The following CNPPD1 variants were observed in gnomAD, a reference collection of about 807,000 sequenced individuals.
CNPPD1 encodes the protein protein CNPPD1.
In CNPPD1, 40 loss-of-function variants were observed where a neutral mutation model predicts 43.7. That is an observed-to-expected ratio of 0.92 (90% CI 0.71 to 1.19). The LOEUF is 1.19. Among genes scored for constraint, CNPPD1 ranks in the 50% most tolerant of loss-of-function variants. The pLI, the probability that CNPPD1 is intolerant of heterozygous loss-of-function variation, is 0.00. For missense variants in CNPPD1, 511 were observed against 518.5 expected, an observed-to-expected ratio of 0.99 and a Z score of 0.14; for synonymous variants, 208 against 214.3, an observed-to-expected ratio of 0.97 and a Z score of 0.26.
rs995327636 is a variant in CNPPD1 at position 219,172,172 on chromosome 2, C to A, written c.*414G>T. On this transcript the variant is annotated 3_prime_UTR_variant, in exon 8 of 8. Coordinates refer to ENST00000360507, the MANE Select transcript of CNPPD1 (RefSeq NM_015680.6). ...GCTCCCACCTGAACCCATCAGTCCC[C>A]GGCTCTTCTGCCTCAGGGACATCAC... is the stretch of plus-strand genomic sequence containing the variant. 4.2e-6 allele frequency: 1 copy of A among 236,452 alleles called. No homozygotes were observed. Among genetic ancestry groups the A allele is most frequent in the Non-Finnish European group, 8.4e-6 (1 of 119,214 alleles). The allele number at this position is 236,452 out of a possible 1,614,324, so 14.6% of individuals were successfully genotyped here. A position where few individuals can be genotyped will look rare whatever the true frequency, so the allele number is the denominator to read the frequency against.
At position 219,176,789 on chromosome 2, in the gene CNPPD1, A is replaced by G. The variant is rs1320349663; in HGVS notation, c.40T>C (p.Phe14Leu). Residue 14 changes from phenylalanine (F) to leucine (L), a missense_variant, in exon 1 of 8, where the codon TTC (phenylalanine) becomes CTC (leucine). Transcript: ENST00000360507. ...AAGTCCTGGAAGCCGGCGAGGGAGA[A>G]GGTGCCTTCTTCGTCCAGCAGGAGC... ...TGLLLDEEGTFSLAGFQDFTF... is the reference protein window; with the variant it reads ...TGLLLDEEGTLSLAGFQDFTF... 5 of 1,585,648 alleles carry G rather than the reference A, an allele frequency of 3.2e-6. No homozygotes were observed. The highest frequency in any genetic ancestry group is 4.3e-6 in the Non-Finnish European group (5 of 1,166,752).
chr2:219,176,790 G>T lies in CNPPD1; in HGVS notation c.39C>A (p.Thr13=), dbSNP rs769787439. Reference sequence around the variant, plus strand: ...AGTCCTGGAAGCCGGCGAGGGAGAAGGTGCCTTCTTCGTCCAGCAGGAGCC... The same window carrying T: ...AGTCCTGGAAGCCGGCGAGGGAGAATGTGCCTTCTTCGTCCAGCAGGAGCC... The part of the protein sequence containing the change: ...LTGLLLDEEG[T]FSLAGFQDFT... The change falls in exon 1 of 8, where the codon ACC becomes ACA. Residue 13 remains threonine (T), a synonymous_variant. Transcript: ENST00000360507. 1 of 1,585,798 alleles carries T rather than the reference G, an allele frequency of 6.3e-7. No homozygotes were observed. The highest frequency in any genetic ancestry group is 1.1e-5 in the South Asian group (1 of 87,160).
chr2:219,173,384 A>G lies in CNPPD1; in HGVS notation c.656T>C (p.Leu219Ser), dbSNP rs1372800701. 12 of 1,613,594 alleles carry G rather than the reference A, an allele frequency of 7.4e-6. No homozygotes were observed. The highest frequency in any genetic ancestry group is 1.0e-5 in the Non-Finnish European group (12 of 1,179,926). The change falls in exon 7 of 8, where the codon TTG becomes TCG. Residue 219 changes from leucine to serine, a missense_variant. Physicochemically the swap from Leu to Ser is moderately radical, Grantham distance 145 (BLOSUM62 -2). Transcript: ENST00000360507. ...CCGCTGGCAGAGGGAGCCCAGGGCC[A>G]ACTGCCAGGTCGGCTGCTCCAGCAG... ...CVLLEQPTWQ[L>S]ALGSLCQRLV...
intron 1 of CNPPD1, 137 bp downstream of exon 1, chr2:219,176,623 G>C (rs1406796748): frequency 1.4e-6 from 1 of 712,558 alleles, no homozygotes; most frequent in Non-Finnish European, 2.3e-6. Flanking sequence ...CCCGGCCCAA[G>C]CAGCCGCGGC....
At chr2:219,176,625 A>T in intron 1 of CNPPD1, 135 bp downstream of exon 1, 1 of 714,362 alleles carries the variant, frequency 1.4e-6, no homozygotes, top group Non-Finnish European at 2.3e-6. Context: ...CGGCCCAAGC[A>T]GCCGCGGCCT....
At chr2:219,174,072 C>A in intron 6 of CNPPD1, 74 bp downstream of exon 6, 1 of 1,401,044 alleles carries the variant, frequency 7.1e-7, no homozygotes, top group South Asian at 1.2e-5. Flanking sequence ...CACAGACTCT[C>A]ATCTCTAGCT....
chr2:219,175,578 T>A lies in CNPPD1; in HGVS notation c.260+13A>T. 1.2e-6 allele frequency: 2 copies of A among 1,609,912 alleles called. No homozygotes were observed. The highest frequency in any genetic ancestry group is 1.7e-6 in the Non-Finnish European group (2 of 1,176,286). ...CCCAAACACTCTCATCCTATCCTCA[T>A]TTCCAGGCTCACCGGGACACATGAG... On this transcript the variant is annotated intron_variant, in intron 3 of 7. Coordinates refer to ENST00000360507, the MANE Select transcript of CNPPD1 (RefSeq NM_015680.6).
At chr2:219,174,644 G>A (rs571789710) in intron 5 of CNPPD1, 134 bp downstream of exon 5, 2 of 1,251,228 alleles carry the variant, frequency 1.6e-6, no homozygotes, top group Admixed American at 5.1e-5. Context: ...AGGAAAGGAA[G>A]ACACTAACAC....
At chr2:219,175,747 G>A in intron 2 of CNPPD1, 75 bp from the exon 3 acceptor site, 1 of 1,246,346 alleles carries the variant, frequency 8.0e-7, no homozygotes, top group Admixed American at 1.7e-5. Context: ...ACTGCTAGCA[G>A]AAGACCCAGA....
At position 219,176,769 on chromosome 2, in the gene CNPPD1, C is replaced by G. The variant is rs755232413; in HGVS notation, c.60G>C (p.Gln20His). The G allele has an allele frequency of 1.3e-6, 2 of 1,579,812 alleles. No homozygotes were observed. Among genetic ancestry groups the G allele is most frequent in the Non-Finnish European group, 1.7e-6 (2 of 1,163,630 alleles). ...CGGGACCCCCACTCACCGTGAAGTC[C>G]TGGAAGCCGGCGAGGGAGAAGGTGC... The part of the protein sequence containing the change: ...EEGTFSLAGF[Q>H]DFTFLPGHQK... The change falls in exon 1 of 8, where the codon CAG (glutamine) becomes CAC (histidine). Residue 20 changes from glutamine to histidine, a missense_variant. Gln to His is a conservative substitution (Grantham distance 24). Transcript: ENST00000360507.
chr2:219,177,503 A>G (rs1950195832), upstream of CNPPD1, among the ~76,000 whole-genome samples: 1 of 152,194 alleles, frequency 6.6e-6, no homozygotes. Context: ...GACACACAGG[A>G]AATTTAGCAG....
In CNPPD1 at chr2:219,172,994, A is replaced by G; in HGVS notation, c.825T>C (p.Arg275=). The change falls in exon 8 of 8, where the codon CGT becomes CGC. Residue 275 remains arginine (R), a synonymous_variant. Transcript: ENST00000360507. Reference sequence around the variant, plus strand: ...AAGGTATGCAGGGCTCCAGGAGGCAACGGGAGGTCAGTCCAAGGTCAGGCG... The same window carrying G: ...AAGGTATGCAGGGCTCCAGGAGGCAGCGGGAGGTCAGTCCAAGGTCAGGCG... ...PGPPDLGLTS[R]CLLEPCIPSV... 1 of 1,613,918 alleles carries G rather than the reference A, an allele frequency of 6.2e-7. No individual in the cohort carries two copies.
chr2:219,176,422 G>A (rs1950162441), intron 1 of CNPPD1, 91 bp from the exon 2 acceptor site: 3 of 1,006,518 alleles, frequency 3.0e-6, no homozygotes, highest in Admixed American at 2.0e-5. Context: ...GCAGGGGACA[G>A]GCCGGCCTCG....
At position 219,175,607 on chromosome 2, in the gene CNPPD1, C is replaced by T. The variant is rs755036458; in HGVS notation, c.244G>A (p.Val82Ile). Residue 82 changes from valine (V) to isoleucine (I), a missense_variant, in exon 3 of 8, where the codon GTA becomes ATA. Coordinates refer to ENST00000360507, the MANE Select transcript of CNPPD1 (RefSeq NM_015680.6). Reference protein sequence around the residue: ...SPIRRLQKKYVAHVSREACIS... With the variant: ...SPIRRLQKKYIAHVSREACIS... ...CAGGCTCACCGGGACACATGAGCTA[C>T]ATATTTCTTCTGGAGTCGGCGAATA... 62 of 1,613,750 alleles carry T rather than the reference C, an allele frequency of 3.8e-5. No homozygotes were observed. The highest frequency in any genetic ancestry group is 8.3e-5 in the Admixed American group (5 of 59,992).
rs1355560885 is a variant in CNPPD1 at position 219,172,290 on chromosome 2, G to A, written c.*296C>T. 4.3e-6 allele frequency: 2 copies of A among 469,784 alleles called. No individual in the cohort carries two copies. The highest frequency in any genetic ancestry group is 7.7e-6 in the Non-Finnish European group (2 of 259,450). The allele number at this position is 469,784 out of a possible 1,614,324, so 29.1% of individuals were successfully genotyped here. The stretch of plus-strand genomic sequence containing the variant: ...CATCCTAGGGAAATCAAAAGTAAAA[G>A]TCTAAAAAATCCCAGGGAGGCAGAG... On this transcript the variant is annotated 3_prime_UTR_variant, in exon 8 of 8. Coordinates refer to ENST00000360507, the MANE Select transcript of CNPPD1 (RefSeq NM_015680.6).
chr2:219,176,256 A>G lies in CNPPD1; in HGVS notation c.145T>C (p.Cys49Arg), dbSNP rs2106389143. The G allele has an allele frequency of 6.2e-7, 1 of 1,614,104 alleles. No homozygotes were observed. The highest frequency in any genetic ancestry group is 1.6e-4 in the Middle Eastern group (1 of 6,062). Residue 49 changes from cysteine (C) to arginine (R), a missense_variant, in exon 2 of 8, where the codon TGT becomes CGT. Coordinates refer to ENST00000360507, the MANE Select transcript of CNPPD1 (RefSeq NM_015680.6). The part of the protein sequence containing the change: ...LYYGWDWEAD[C>R]SLEELSSPVA... ...GGGCTGGAGAGCTCCTCCAGGCTAC[A>G]GTCGGCTTCCCAGTCCCAGCCATAG...
chr2:219,172,437 C>A lies in CNPPD1; in HGVS notation c.*149G>T. Reference sequence around the variant, plus strand: ...ATCTAGGAGTGAATTACCTTCAGTCCTTCTGCCCCACCACCCCATAAGCTC... The same window carrying A: ...ATCTAGGAGTGAATTACCTTCAGTCATTCTGCCCCACCACCCCATAAGCTC... On this transcript the variant is annotated 3_prime_UTR_variant, in exon 8 of 8. Transcript: ENST00000360507. 2 of 819,868 alleles carry A rather than the reference C, an allele frequency of 2.4e-6. No homozygotes were observed. The highest frequency in any genetic ancestry group is 4.0e-6 in the Non-Finnish European group (2 of 501,730). The allele number at this position is 819,868 out of a possible 1,614,324, so 50.8% of individuals were successfully genotyped here. A position where few individuals can be genotyped will look rare whatever the true frequency, so the allele number is the denominator to read the frequency against.
rs1364320427 is a variant in CNPPD1 at position 219,176,781 on chromosome 2, G to T, written c.48C>A (p.Leu16=). 1.5e-5 allele frequency: 24 copies of T among 1,583,732 alleles called. No individual in the cohort carries two copies. The highest frequency in any genetic ancestry group is 2.0e-5 in the Non-Finnish European group (23 of 1,165,708). Residue 16 remains leucine (L), a synonymous_variant, in exon 1 of 8, where the codon CTC becomes CTA. Transcript: ENST00000360507. ...TCACCGTGAAGTCCTGGAAGCCGGC[G>T]AGGGAGAAGGTGCCTTCTTCGTCCA... The part of the protein sequence containing the change: ...LLLDEEGTFS[L]AGFQDFTFLP...
rs568388265 is a variant in CNPPD1, at chr2:219,173,947, TGTATTTTA to T, written c.572+191_572+198del. On this transcript the variant is annotated intron_variant, in intron 6 of 7. Transcript: ENST00000360507. ...ATAACTACCATACCCACCCAATACA[TGTATTTTA>T]AATAAGCTGCTTCTCACCTTCCCAA... Among the ~76,000 whole-genome samples, 138 of 152,266 alleles carry T rather than the reference TGTATTTTA, an allele frequency of 9.1e-4. 4 individuals are homozygous for T. The South Asian group carries it at 0.029, about 32-fold the overall frequency.
Sources: gnomAD v4.1 joint callset for allele counts (sites outside exome capture counted in the v4.1 genomes callset) on GRCh38, gnomAD v4.1.1 for gene constraint, MANE v1.5 for transcripts, NCBI Gene and HGNC (gene_info 2026-07-23, HGNC 2026-07-21) for gene names.